Variants in ATP2B2 observed in about 807,000 individuals in gnomAD.
ATP2B2 encodes the protein plasma membrane calcium-transporting ATPase 2.
A neutral mutation model predicts 120.0 loss-of-function variants in ATP2B2; 15 were observed. The ratio of observed to expected loss-of-function variants is 0.12; its 90% CI spans 0.08 to 0.19. ATP2B2 has a LOEUF of 0.19. ATP2B2 is among the 10% of genes least tolerant of loss of function. The pLI, the probability that ATP2B2 is intolerant of heterozygous loss-of-function variation, is 1.00. For synonymous variants in ATP2B2, 694 were observed against 700.3 expected (o/e 0.99, Z 0.14); for missense variants, 1,045 against 1,719.8 (o/e 0.61, Z 6.94).
chr3:10,529,136 A>G (rs1412702283), intron 3 of ATP2B2, among the ~76,000 whole-genome samples: 2 of 152,248 alleles, frequency 1.3e-5, no homozygotes, highest in African/African-American at 4.8e-5. Flanking sequence ...AATGAAAGTC[A>G]AGTGACTGAT....
At chr3:10,647,353 C>T (rs1575589982) in intron 1 of ATP2B2, among the ~76,000 whole-genome samples, 1 of 152,138 alleles carries the variant, frequency 6.6e-6, no homozygotes, top group African/African-American at 2.4e-5. Context: ...GCTGACATCT[C>T]ACCGTGAGAT....
chr3:10,588,915 C>T (rs542879631), intron 2 of ATP2B2, among the ~76,000 whole-genome samples: 10 of 152,314 alleles, frequency 6.6e-5, no homozygotes, highest in African/African-American at 9.6e-5. Flanking sequence ...GAGTTGTCTG[C>T]GGCTGGCAGT....
In ATP2B2 at chr3:10,449,845, G is replaced by C; in HGVS notation, c.-302C>G. ...TGCTCCCTGGAACTGGCATCTACAT[G>C]GTCAGGGGTGGTGGCTCCTGTGGGA... On this transcript the variant is annotated 5_prime_UTR_variant, in exon 2 of 23. Transcript: ENST00000360273. The C allele has an allele frequency of 2.2e-6, 1 of 454,722 alleles. No homozygotes were observed. Among genetic ancestry groups the C allele is most frequent in the Non-Finnish European group, 4.1e-6 (1 of 244,648 alleles). The allele number at this position is 454,722 out of a possible 1,614,324, so 28.2% of individuals were successfully genotyped here.
At chr3:10,341,550 A>C (rs965692053) in intron 19 of ATP2B2, among the ~76,000 whole-genome samples, 10 of 152,188 alleles carry the variant, frequency 6.6e-5, no homozygotes, top group Admixed American at 1.3e-4. Context: ...ACCTCAAGTG[A>C]TCCACCCGCC....
chr3:10,545,280 AG>A (rs1326219770), intron 2 of ATP2B2, among the ~76,000 whole-genome samples: 1 of 152,248 alleles, frequency 6.6e-6, no homozygotes, highest in Non-Finnish European at 1.5e-5. Flanking sequence ...CTGTAATCCC[AG>A]CACTTTGGGA....
chr3:10,450,297 C>G (rs1477396974), intron 1 of ATP2B2, among the ~76,000 whole-genome samples: 2 of 152,074 alleles, frequency 1.3e-5, no homozygotes, highest in Non-Finnish European at 2.9e-5. Context: ...TGCTCACAGG[C>G]CCTCTGAGCA....
intron 1 of ATP2B2, among the ~76,000 whole-genome samples, chr3:10,454,856 A>G (rs139091106): frequency 2.6e-5 from 4 of 152,308 alleles, no homozygotes; most frequent in Non-Finnish European, 5.9e-5. Flanking sequence ...TGTCCTGTTC[A>G]GCCTCAGTTT....
chr3:10,452,425 G>C (rs1431751775), intron 1 of ATP2B2, among the ~76,000 whole-genome samples: 2 of 152,250 alleles, frequency 1.3e-5, no homozygotes, highest in African/African-American at 4.8e-5. Context: ...CCCTTGTTCA[G>C]GGTTGGATGA....
chr3:10,334,525 G>A (rs1393579999), intron 22 of ATP2B2, among the ~76,000 whole-genome samples: 1 of 152,136 alleles, frequency 6.6e-6, no homozygotes, highest in Non-Finnish European at 1.5e-5. Flanking sequence ...TGCCTTCCCC[G>A]AGAAATCCTG....
At chr3:10,358,407 G>A (rs1018819716) in intron 14 of ATP2B2, among the ~76,000 whole-genome samples, 3 of 152,246 alleles carry the variant, frequency 2.0e-5, no homozygotes, top group African/African-American at 7.2e-5. Context: ...CCAGAGGGAA[G>A]AGCTCATGGT....
chr3:10,522,815 A>C (rs1219491828), intron 3 of ATP2B2, among the ~76,000 whole-genome samples: 1 of 152,202 alleles, frequency 6.6e-6, no homozygotes, highest in African/African-American at 2.4e-5. Context: ...GGGCTTGCTC[A>C]AGGTCACACT....
intron 1 of ATP2B2, among the ~76,000 whole-genome samples, chr3:10,471,734 AAGCATCAT>A (rs1169242140): frequency 3.0e-4 from 46 of 152,210 alleles, no homozygotes; most frequent in Non-Finnish European, 6.0e-4. Flanking sequence ...GTATACATCA[AAGCATCAT>A]ATTGTCCCCC....
chr3:10,694,937 T>C (rs1237207014), intron 1 of ATP2B2, among the ~76,000 whole-genome samples: 1 of 151,964 alleles, frequency 6.6e-6, no homozygotes, highest in Non-Finnish European at 1.5e-5. Context: ...ATGGCTGGCC[T>C]GTATGCAAGC....
chr3:10,694,059 C>G (rs369311503), intron 1 of ATP2B2, among the ~76,000 whole-genome samples: 1 of 152,204 alleles, frequency 6.6e-6, no homozygotes, highest in Non-Finnish European at 1.5e-5. Flanking sequence ...TTCCCCTAGC[C>G]TCCCCCAAAG....
chr3:10,502,679 AGCGGTCCG>A (rs1202812310), intron 1 of ATP2B2, among the ~76,000 whole-genome samples: 1 of 152,248 alleles, frequency 6.6e-6, no homozygotes, highest in African/African-American at 2.4e-5. Context: ...GGGACGACAC[AGCGGTCCG>A]GCTGCCTAGG....
At chr3:10,537,125 C>A (rs1439252376) in intron 2 of ATP2B2, among the ~76,000 whole-genome samples, 1 of 152,196 alleles carries the variant, frequency 6.6e-6, no homozygotes, top group East Asian at 1.9e-4. Flanking sequence ...GTCAATACTA[C>A]TGTCATGATT....
intron 1 of ATP2B2, among the ~76,000 whole-genome samples, chr3:10,672,825 T>C (rs1351056168): frequency 6.6e-6 from 1 of 152,240 alleles, no homozygotes; most frequent in Non-Finnish European, 1.5e-5. Flanking sequence ...CCAAAGGGCT[T>C]TCTCTAACAA....
intron 1 of ATP2B2, among the ~76,000 whole-genome samples, chr3:10,675,551 C>T (rs2125696603): frequency 6.6e-6 from 1 of 152,270 alleles, no homozygotes; most frequent in East Asian, 1.9e-4. Flanking sequence ...ATCAACAGAC[C>T]CCTCTTTGCT....
intron 1 of ATP2B2, among the ~76,000 whole-genome samples, chr3:10,672,548 G>A (rs1256060786): frequency 6.6e-6 from 1 of 152,206 alleles, no homozygotes; most frequent in African/African-American, 2.4e-5. Flanking sequence ...AAGGCAGTTT[G>A]GACTAATTAT....
Sources: allele counts gnomAD v4.1 joint callset (sites outside exome capture counted in the v4.1 genomes callset), GRCh38; gene constraint gnomAD v4.1.1; transcripts MANE v1.5; gene names NCBI Gene and HGNC (gene_info 2026-07-23, HGNC 2026-07-21).